RFPL1: variants seen among roughly 807,000 people sequenced by gnomAD.
RFPL1 encodes ret finger protein-like 1.
In RFPL1, 6 loss-of-function variants were observed where a neutral mutation model predicts 9.6. The ratio of observed to expected loss-of-function variants is 0.62; its 90% CI spans 0.34 to 1.23. RFPL1 has a LOEUF of 1.23. Among genes scored for constraint, RFPL1 ranks in the 50% most tolerant of loss-of-function variants. The pLI, the probability that RFPL1 is intolerant of heterozygous loss-of-function variation, is 0.03. For missense variants in RFPL1, 352 were observed against 398.4 expected, an observed-to-expected ratio of 0.88 and a Z score of 0.99; for synonymous variants, 145 against 149.4, an observed-to-expected ratio of 0.97 and a Z score of 0.22.
chr22:29,392,654 C>T, the RFPL1 span, among the ~76,000 whole-genome samples: 2 of 152,090 alleles, frequency 1.3e-5, no homozygotes, highest in African/African-American at 4.8e-5. Context: ...GCTGGGATTA[C>T]AGGCATGAGC....
chr22:29,424,906 A>G, the RFPL1 span, among the ~76,000 whole-genome samples: 1 of 144,832 alleles, frequency 6.9e-6, no homozygotes, highest in South Asian at 2.2e-4. Flanking sequence ...TATGTTATAG[A>G]AAACCACACA....
rs777580869 is a variant in RFPL1, at chr22:29,442,044, T to TC, written c.876_877insC (p.Lys293GlnfsTer16). 2.1e-5 allele frequency: 34 copies of TC among 1,613,830 alleles called. No individual in the cohort carries two copies. Among genetic ancestry groups the TC allele is most frequent in the East Asian group, 1.1e-4 (5 of 44,888 alleles). ...CTCCTCCAAGTCCACCTAATGGTGA[T>TC]AAGAGTGTCTTGAGTATCTGTCCTG... On this transcript the variant is annotated frameshift_variant, in exon 2 of 2. Coordinates refer to ENST00000354373, the Ensembl canonical transcript of RFPL1. LOFTEE classifies it low-confidence loss of function (END_TRUNC).
the RFPL1 span, among the ~76,000 whole-genome samples, chr22:29,391,988 G>A: frequency 5.9e-5 from 9 of 152,188 alleles, no homozygotes; most frequent in Admixed American, 2.6e-4. Flanking sequence ...GGACATACTG[G>A]GAGGCTATGG....
At chr22:29,436,930 C>T (rs147925028), upstream of RFPL1, 104 of 152,046 alleles carry the variant, frequency 6.8e-4, 2 homozygotes, top group African/African-American at 2.5e-3. Flanking sequence ...AATTTGAAAA[C>T]AAAGCAGTAA....
At chr22:29,389,004 G>A in the RFPL1 span, among the ~76,000 whole-genome samples, 1 of 152,164 alleles carries the variant, frequency 6.6e-6, no homozygotes, top group African/African-American at 2.4e-5. Context: ...AGCCTCCCAA[G>A]CAGCTGGGAC....
chr22:29,392,378 CTTT>C, the RFPL1 span, among the ~76,000 whole-genome samples: 8 of 46,282 alleles, frequency 1.7e-4, no homozygotes, highest in African/African-American at 2.9e-4. Context: ...CCACACCTGG[CTTT>C]TTTTTTTTTT....
exon 2 of RFPL1, chr22:29,442,251 A>G (rs1224045264): frequency 1.7e-6 from 1 of 603,922 alleles, no homozygotes; most frequent in African/African-American, 1.8e-5. Context: ...TCATGATTAT[A>G]CTTAATCTAA....
the RFPL1 span, among the ~76,000 whole-genome samples, chr22:29,426,178 C>T: frequency 6.6e-6 from 1 of 151,532 alleles, no homozygotes; most frequent in African/African-American, 2.4e-5. Flanking sequence ...CAAAAATTAG[C>T]CAGACGTGGT....
the RFPL1 span, among the ~76,000 whole-genome samples, chr22:29,400,672 T>A: frequency 2.0e-5 from 3 of 152,182 alleles, no homozygotes; most frequent in Admixed American, 6.5e-5. Flanking sequence ...TGTTCCCACA[T>A]CTCTCTTTTC....
the RFPL1 span, among the ~76,000 whole-genome samples, chr22:29,404,523 T>A: frequency 6.6e-6 from 1 of 152,154 alleles, no homozygotes; most frequent in East Asian, 1.9e-4. Flanking sequence ...TTTTCAAGGT[T>A]TGAAAAAATA....
chr22:29,429,016 C>G, the RFPL1 span, among the ~76,000 whole-genome samples: 2 of 152,092 alleles, frequency 1.3e-5, no homozygotes, highest in Non-Finnish European at 2.9e-5. Context: ...AAAATAGAGA[C>G]TTAAAAAACT....
chr22:29,441,710 A>G (rs1453380950), exon 2 of RFPL1: 22 of 1,613,702 alleles, frequency 1.4e-5, no homozygotes, highest in Admixed American at 8.3e-5. Context: ...GGCCGCCACT[A>G]CTGGGAGGTG....
At chr22:29,413,964 A>C in the RFPL1 span, among the ~76,000 whole-genome samples, 1 of 152,322 alleles carries the variant, frequency 6.6e-6, no homozygotes, top group South Asian at 2.1e-4. Context: ...CTTTTACCAA[A>C]GGCATATTTT....
chr22:29,439,081 A>C (rs1295815153), exon 1 of RFPL1: 1 of 1,614,182 alleles, frequency 6.2e-7, no homozygotes, highest in African/African-American at 1.3e-5. Flanking sequence ...TGGCAGCTAG[A>C]GAGGCTGGCT....
At chr22:29,432,300 ACT>A in the RFPL1 span, among the ~76,000 whole-genome samples, 3 of 152,054 alleles carry the variant, frequency 2.0e-5, no homozygotes, top group African/African-American at 7.3e-5. Context: ...AGGTGACAGT[ACT>A]CTAAAGCCCC....
At chr22:29,406,057 C>T in the RFPL1 span, among the ~76,000 whole-genome samples, 11,539 of 126,166 alleles carry the variant, frequency 0.091, 593 homozygotes, top group East Asian at 0.24. Context: ...TGCAGTGAGC[C>T]GAGATTGCAC....
chr22:29,431,260 A>G, the RFPL1 span, among the ~76,000 whole-genome samples: 267 of 152,320 alleles, frequency 1.8e-3, 2 homozygotes, highest in African/African-American at 6.2e-3. Context: ...TGGAGTCACT[A>G]TGAATTCGGC....
chr22:29,429,788 A>C, the RFPL1 span, among the ~76,000 whole-genome samples: 1,062 of 152,360 alleles, frequency 7.0e-3, 17 homozygotes, highest in African/African-American at 0.024. Flanking sequence ...GTTTTAGGAT[A>C]TAAAATCAAC....
the RFPL1 span, among the ~76,000 whole-genome samples, chr22:29,425,641 T>A: frequency 6.6e-6 from 1 of 152,214 alleles, no homozygotes; most frequent in Non-Finnish European, 1.5e-5. Flanking sequence ...TGTGAAGCAT[T>A]TGATGGGAAA....
Sources: gnomAD v4.1 joint callset for allele counts (sites outside exome capture counted in the v4.1 genomes callset) on GRCh38, gnomAD v4.1.1 for gene constraint, MANE v1.5 for transcripts, NCBI Gene and HGNC (gene_info 2026-07-23, HGNC 2026-07-21) for gene names.